The following PSMA7 variants were observed in gnomAD, a reference collection of about 807,000 sequenced individuals.
PSMA7 encodes the protein proteasome subunit alpha type-7.
A neutral mutation model predicts 31.3 loss-of-function variants in PSMA7; 5 were observed. That is an observed-to-expected ratio of 0.16 (90% confidence interval 0.08 to 0.34). The LOEUF is 0.34. Among genes scored for constraint, PSMA7 ranks in the 10% least tolerant of loss-of-function variants. The pLI, the probability that PSMA7 is intolerant of heterozygous loss-of-function variation, is 1.00. For synonymous variants in PSMA7, 155 were observed against 121.9 expected (o/e 1.27, Z -1.79); for missense variants, 217 against 327.5 (o/e 0.66, Z 2.60).
Position 62,138,282 on chromosome 20 carries a change from G to A in PSMA7, c.480C>T (p.Ala160=). 6.2e-7 allele frequency: 1 copy of A among 1,608,674 alleles called. No homozygotes were observed. ...GCACTGACTTGGCACCCCGACCTAT[G>A]GCATTGGCCTAAAACAGACACGTAT... ...SGTYHAWKAN[A]IGRGAKSVRE... The change falls in exon 5 of 7, where the codon GCC becomes GCT. Residue 160 remains alanine, a synonymous_variant. Transcript: ENST00000370873.
chr20:62,140,710 A>T, intron 2 of PSMA7, 108 bp downstream of exon 2: 1 of 1,320,272 alleles, frequency 7.6e-7, no homozygotes, highest in Non-Finnish European at 1.0e-6. Flanking sequence ...ATTTTCATTT[A>T]CTCAGTTTAT....
intron 5 of PSMA7, among the ~76,000 whole-genome samples, chr20:62,137,720 A>G (rs1351801236): frequency 6.6e-6 from 1 of 152,160 alleles, no homozygotes; most frequent in Non-Finnish European, 1.5e-5. Flanking sequence ...CCTGATGCCT[A>G]CGCTCCCGCC....
In PSMA7 at chr20:62,137,399, C is replaced by T; in HGVS notation, c.619G>A (p.Glu207Lys). 6.2e-7 allele frequency: 1 copy of T among 1,614,110 alleles called. No individual in the cohort carries two copies. Among genetic ancestry groups the T allele is most frequent in the Non-Finnish European group, 8.5e-7 (1 of 1,180,014 alleles). ...TGATCTCGCCTCATGACAGCAAGTTCAATGTTTTTGCCACCTGACTGAACC... is the reference window on the plus strand; with the variant it reads ...TGATCTCGCCTCATGACAGCAAGTTTAATGTTTTTGCCACCTGACTGAACC... ...EVVQSGGKNI[E>K]LAVMRRDQSL... Residue 207 changes from glutamate to lysine, a missense_variant, in exon 6 of 7, where the codon GAA becomes AAA. By Grantham distance (56) the Glu-to-Lys change is moderately conservative. Around this residue, in one of 3 missense-constraint regions of PSMA7, gnomAD observed 88 missense variants for 111.6 expected, o/e 0.79. Coordinates refer to ENST00000370873, the MANE Select transcript of PSMA7 (RefSeq NM_002792.4).
At chr20:62,137,852 G>T (rs1022320758) in intron 5 of PSMA7, among the ~76,000 whole-genome samples, 4 of 152,206 alleles carry the variant, frequency 2.6e-5, no homozygotes, top group African/African-American at 9.7e-5. Flanking sequence ...CCTCTGGAAG[G>T]CCTAGTGATG....
At chr20:62,142,658 C>CACCG (rs2145669395) in intron 1 of PSMA7, 1 of 152,504 alleles carries the variant, frequency 6.6e-6, no homozygotes, top group South Asian at 2.1e-4. Flanking sequence ...AGGCGCCCGC[C>CACCG]ACCGGCCAGG....
Position 62,140,858 on chromosome 20 carries a change from C to T in PSMA7, c.183G>A (p.Lys61=), listed in dbSNP as rs141083196. The change falls in exon 2 of 7, where the codon AAG becomes AAA. Residue 61 remains lysine (K), a synonymous_variant. Transcript: ENST00000370873. The part of the protein sequence containing the change: ...AKLQDERTVR[K]ICALDDNVCM... Reference sequence around the variant, plus strand: ...AGACGTTGTCATCCAAAGCACAGATCTTCCGCACTGTTCTTTCATCCTGCA... The same window carrying T: ...AGACGTTGTCATCCAAAGCACAGATTTTCCGCACTGTTCTTTCATCCTGCA... 3 of 1,614,140 alleles carry T rather than the reference C, an allele frequency of 1.9e-6. No individual in the cohort carries two copies. Among genetic ancestry groups the T allele is most frequent in the African/African-American group, 1.3e-5 (1 of 74,948 alleles).
intron 3 of PSMA7, 117 bp from the exon 4 acceptor site, chr20:62,139,314 A>G (rs1411771452): frequency 1.6e-6 from 2 of 1,284,286 alleles, no homozygotes; most frequent in African/African-American, 1.5e-5. Context: ...TTCTCAGGTT[A>G]TCAGCAGTTC....
chr20:62,137,867 G>C (rs184140157), intron 5 of PSMA7, among the ~76,000 whole-genome samples: 1 of 152,198 alleles, frequency 6.6e-6, no homozygotes, highest in African/African-American at 2.4e-5. Context: ...GTGATGGCTC[G>C]AGAACAGATT....
chr20:62,139,946 CA>C, intron 2 of PSMA7, 41 bp from the exon 3 acceptor site: 2 of 1,603,268 alleles, frequency 1.2e-6, no homozygotes, highest in South Asian at 1.1e-5. Context: ...AGAGACAGCA[CA>C]AACTACAGGG....
chr20:62,140,778 G>C (rs1049384603), intron 2 of PSMA7, 40 bp downstream of exon 2: 4 of 1,608,442 alleles, frequency 2.5e-6, no homozygotes, highest in Non-Finnish European at 2.6e-6. Context: ...TCTTCGCTGA[G>C]ACTCTAGAGA....
intron 4 of PSMA7, 121 bp downstream of exon 4, chr20:62,138,954 T>A (rs2056911206): frequency 7.7e-7 from 1 of 1,297,760 alleles, no homozygotes. Flanking sequence ...CTCATAGGAC[T>A]AGGTTAACTT....
In PSMA7 at chr20:62,138,307, T is replaced by C. The variant is rs1424126698; in HGVS notation, c.472-17A>G. 1 of 1,587,574 alleles carries C rather than the reference T, an allele frequency of 6.3e-7. No homozygotes were observed. The highest frequency in any genetic ancestry group is 2.2e-5 in the East Asian group (1 of 44,600). ...GGCATTGGCCTAAAACAGACACGTA[T>C]GTTCTCACGTGGCATAGGGCATGAC... is the stretch of plus-strand genomic sequence containing the variant. On this transcript the variant is annotated splice_polypyrimidine_tract_variant and intron_variant, in intron 4 of 6. Transcript: ENST00000370873.
intron 4 of PSMA7, 70 bp downstream of exon 4, chr20:62,139,005 C>A: frequency 6.3e-7 from 1 of 1,575,892 alleles, no homozygotes; most frequent in Non-Finnish European, 8.6e-7. Context: ...CAGCAGGAAG[C>A]CCAGGACCTC....
intron 2 of PSMA7, 61 bp downstream of exon 2, chr20:62,140,757 C>A: frequency 6.3e-7 from 1 of 1,587,772 alleles, no homozygotes; most frequent in Non-Finnish European, 8.6e-7. Context: ...AGTTAATCTC[C>A]AAAGCCCTAT....
In PSMA7 at chr20:62,136,773, T is replaced by C; in HGVS notation, c.*84A>G. 6.7e-7 allele frequency: 1 copy of C among 1,503,490 alleles called. No homozygotes were observed. 93.1% of individuals were successfully genotyped at this position (1,503,490 alleles called of 1,614,324 possible). On this transcript the variant is annotated 3_prime_UTR_variant, in exon 7 of 7. Coordinates refer to ENST00000370873, the MANE Select transcript of PSMA7 (RefSeq NM_002792.4). ...TTTATTGTAGGACACTCAGTGTGAA[T>C]AAATGGAATGGAAAGGCCTACACAT...
At chr20:62,138,391 TGGCAGG>T (rs1435094753) in intron 4 of PSMA7, 101 bp from the exon 5 acceptor site, 6 of 1,461,038 alleles carry the variant, frequency 4.1e-6, no homozygotes, top group Non-Finnish European at 5.5e-6. Context: ...CCAGTGGCAG[TGGCAGG>T]AGGCAAGCTG....
Position 62,143,323 on chromosome 20 carries a change from G to A in PSMA7, c.-20C>T, listed in dbSNP as rs778269061. On this transcript the variant is annotated 5_prime_UTR_variant, in exon 1 of 7. Coordinates refer to ENST00000370873, the MANE Select transcript of PSMA7 (RefSeq NM_002792.4). ...GCTCATGCCGGCGGGCGGCGGCCGG[G>A]CTCCTTCCGCCGCGACTCTCAAAAG... 2.2e-6 allele frequency: 3 copies of A among 1,367,576 alleles called. No homozygotes were observed. The highest frequency in any genetic ancestry group is 3.1e-5 in the African/African-American group (2 of 65,034). 84.7% of individuals were successfully genotyped at this position (1,367,576 alleles called of 1,614,324 possible). A position where few individuals can be genotyped will look rare whatever the true frequency, so the allele number is the denominator to read the frequency against.
At chr20:62,137,276 A>G in intron 6 of PSMA7, 88 bp downstream of exon 6, 3 of 1,325,824 alleles carry the variant, frequency 2.3e-6, no homozygotes, top group South Asian at 1.2e-5. Context: ...GAATGGCCCT[A>G]TGATGTTTCC....
At position 62,143,339 on chromosome 20, in the gene PSMA7, C is replaced by T. The variant is rs1197256063; in HGVS notation, c.-36G>A. On this transcript the variant is annotated 5_prime_UTR_variant, in exon 1 of 7. Transcript: ENST00000370873. The stretch of plus-strand genomic sequence containing the variant: ...GGCGGCCGGGCTCCTTCCGCCGCGA[C>T]TCTCAAAAGCGCACACTCACGGCCC... 4.5e-5 allele frequency: 59 copies of T among 1,320,608 alleles called. No individual in the cohort carries two copies. Among genetic ancestry groups the T allele is most frequent in the Non-Finnish European group, 5.8e-5 (58 of 1,007,472 alleles). 81.8% of individuals were successfully genotyped at this position (1,320,608 alleles called of 1,614,324 possible).
Sources: allele counts gnomAD v4.1 joint callset (sites outside exome capture counted in the v4.1 genomes callset), GRCh38; gene constraint gnomAD v4.1.1; regional missense constraint gnomAD v4.1.1; transcripts MANE v1.5; gene names NCBI Gene and HGNC (gene_info 2026-07-23, HGNC 2026-07-21).